MAGI2: variants seen among roughly 807,000 people sequenced by gnomAD.
MAGI2 encodes the protein membrane-associated guanylate kinase, WW and PDZ domain-containing protein 2.
A neutral mutation model predicts 133.3 loss-of-function variants in MAGI2; 35 were observed. The observed-to-expected ratio is 0.26, with a 90% confidence interval of 0.20 to 0.35. The LOEUF (loss-of-function observed/expected upper bound fraction) is 0.35, where lower values mean the gene tolerates loss of function less well. Ranked by LOEUF, MAGI2 falls within the 10% of genes least tolerant of loss-of-function variation. The pLI, the probability that MAGI2 is intolerant of heterozygous loss-of-function variation, is 1.00. For missense variants in MAGI2, 1,636 were observed against 1,863.4 expected (o/e 0.88, Z 2.25); for synonymous variants, 729 against 710.6 (o/e 1.03, Z -0.41).
intron 1 of MAGI2, among the ~76,000 whole-genome samples, chr7:79,319,769 C>T (rs570331985): frequency 1.4e-3 from 218 of 152,220 alleles, no homozygotes; most frequent in African/African-American, 5.0e-3. Context: ...TAAATGAAGT[C>T]CCATCTAAGC....
chr7:79,097,220 T>C (rs1311870965), intron 1 of MAGI2, among the ~76,000 whole-genome samples: 1 of 152,196 alleles, frequency 6.6e-6, no homozygotes, highest in African/African-American at 2.4e-5. Flanking sequence ...ATGAGGAAAC[T>C]GAGACATAGA....
At chr7:79,001,098 G>T (rs183149800) in intron 2 of MAGI2, among the ~76,000 whole-genome samples, 1 of 152,120 alleles carries the variant, frequency 6.6e-6, no homozygotes, top group Non-Finnish European at 1.5e-5. Flanking sequence ...TGTATTTTTA[G>T]TAGAAATGGG....
intron 2 of MAGI2, among the ~76,000 whole-genome samples, chr7:78,962,585 A>T (rs1007603838): frequency 6.6e-6 from 1 of 151,692 alleles, no homozygotes; most frequent in Non-Finnish European, 1.5e-5. Flanking sequence ...GTTCCAAAAT[A>T]AAAAACTCAA....
chr7:79,235,016 A>G (rs1278000970), intron 1 of MAGI2, among the ~76,000 whole-genome samples: 3 of 151,800 alleles, frequency 2.0e-5, no homozygotes, highest in Middle Eastern at 3.4e-3. Context: ...TCTAACAGAC[A>G]GTATCCTCAG....
chr7:79,324,564 TAACC>T (rs1839474258), intron 1 of MAGI2, among the ~76,000 whole-genome samples: 1 of 38,706 alleles, frequency 2.6e-5, no homozygotes, highest in African/African-American at 8.5e-5. Flanking sequence ...TATACACATA[TAACC>T]ATATATATAC....
intron 21 of MAGI2, among the ~76,000 whole-genome samples, chr7:78,038,105 T>C (rs1810422637): frequency 1.3e-5 from 2 of 152,204 alleles, no homozygotes; most frequent in Non-Finnish European, 2.9e-5. Flanking sequence ...TGTTCGCTCT[T>C]TTTTTGTAAG....
At chr7:79,211,490 C>T (rs1829492997) in intron 1 of MAGI2, among the ~76,000 whole-genome samples, 1 of 150,766 alleles carries the variant, frequency 6.6e-6, no homozygotes, top group Admixed American at 6.6e-5. Context: ...GGCAGGGTCT[C>T]ACTGTGCTGC....
intron 2 of MAGI2, among the ~76,000 whole-genome samples, chr7:78,872,894 T>C (rs969949785): frequency 2.6e-5 from 4 of 152,122 alleles, no homozygotes; most frequent in Non-Finnish European, 4.4e-5. Flanking sequence ...TTATCAAATA[T>C]ACAGACATAT....
intron 3 of MAGI2, chr7:78,617,393 C>T (rs1233515870): frequency 2.6e-5 from 4 of 152,040 alleles, no homozygotes; most frequent in Admixed American, 2.6e-4. Flanking sequence ...GGAATCAGTT[C>T]TCTGCAGCCA....
intron 1 of MAGI2, among the ~76,000 whole-genome samples, chr7:79,112,619 G>A (rs578010771): frequency 6.6e-6 from 1 of 152,236 alleles, no homozygotes; most frequent in African/African-American, 2.4e-5. Flanking sequence ...TACCATCTAT[G>A]TCACACAATT....
chr7:78,191,164 G>A (rs1330906585), intron 12 of MAGI2, among the ~76,000 whole-genome samples: 2 of 151,796 alleles, frequency 1.3e-5, no homozygotes, highest in East Asian at 3.9e-4. Flanking sequence ...TTTTTGGGCA[G>A]AGTTATACTT....
intron 1 of MAGI2, among the ~76,000 whole-genome samples, chr7:79,149,631 C>A (rs183603109): frequency 4.6e-5 from 7 of 152,064 alleles, no homozygotes; most frequent in African/African-American, 1.7e-4. Flanking sequence ...CAAGAAGCAA[C>A]CTTCAGTTTA....
At chr7:79,011,080 A>G (rs1006989870) in intron 1 of MAGI2, 1 of 152,126 alleles carries the variant, frequency 6.6e-6, no homozygotes, top group African/African-American at 2.4e-5. Context: ...AGGCAAGTGA[A>G]GCTCACACAA....
At chr7:78,934,329 G>T (rs1800358067) in intron 2 of MAGI2, among the ~76,000 whole-genome samples, 2 of 152,032 alleles carry the variant, frequency 1.3e-5, no homozygotes, top group South Asian at 2.1e-4. Context: ...GGCTCAAACT[G>T]CTGACCTCAG....
At chr7:78,586,369 C>A (rs1803413396) in intron 3 of MAGI2, among the ~76,000 whole-genome samples, 1 of 151,654 alleles carries the variant, frequency 6.6e-6, no homozygotes, top group African/African-American at 2.4e-5. Flanking sequence ...CCCAAACACC[C>A]CCACCCATAA....
At chr7:78,619,769 T>C (rs1218832382) in intron 3 of MAGI2, among the ~76,000 whole-genome samples, 3 of 151,876 alleles carry the variant, frequency 2.0e-5, no homozygotes, top group African/African-American at 4.8e-5. Flanking sequence ...TGAACACAAA[T>C]TGAATCACTC....
chr7:78,031,773 A>T (rs1809592553), intron 21 of MAGI2, among the ~76,000 whole-genome samples: 1 of 152,206 alleles, frequency 6.6e-6, no homozygotes, highest in Admixed American at 6.5e-5. Flanking sequence ...TAATAGCCAC[A>T]TCTTGCCAAA....
intron 1 of MAGI2, among the ~76,000 whole-genome samples, chr7:79,071,443 G>A (rs1459461262): frequency 6.6e-6 from 1 of 152,120 alleles, no homozygotes; most frequent in East Asian, 1.9e-4. Context: ...CCCACTTGAG[G>A]AAGCAGCCTG....
At chr7:79,164,688 G>A (rs1302076464) in intron 1 of MAGI2, among the ~76,000 whole-genome samples, 1 of 151,986 alleles carries the variant, frequency 6.6e-6, no homozygotes. Context: ...TTTACCTAGA[G>A]CTTGAAAGTT....
Sources: gnomAD v4.1 joint callset for allele counts (sites outside exome capture counted in the v4.1 genomes callset) on GRCh38, gnomAD v4.1.1 for gene constraint, MANE v1.5 for transcripts, NCBI Gene and HGNC (gene_info 2026-07-23, HGNC 2026-07-21) for gene names.